Variants in WWOX observed in about 807,000 individuals in gnomAD.
The protein encoded by WWOX is WW domain-containing oxidoreductase.
A neutral mutation model predicts 46.2 loss-of-function variants in WWOX; 69 were observed. The ratio of observed to expected loss-of-function variants is 1.49; its 90% CI spans 1.23 to 1.82. The LOEUF (loss-of-function observed/expected upper bound fraction) is 1.82, where lower values mean the gene tolerates loss of function less well. WWOX is among the 40% of genes most tolerant of loss of function. The probability of loss-of-function intolerance (pLI) is 0.00; values close to 1 mark genes in which losing one functional copy is unlikely to be tolerated. For missense variants in WWOX, 919 were observed against 542.6 expected (o/e 1.69, Z -6.89); for synonymous variants, 359 against 202.6 (o/e 1.77, Z -6.56).
chr16:78,687,135 T>C lies in WWOX; in HGVS notation c.1056+254383T>C, dbSNP rs539206932. Among the ~76,000 whole-genome samples the C allele has an allele frequency of 6.1e-4, 93 of 152,294 alleles. 1 individual carries two copies. The highest frequency in any genetic ancestry group is 5.3e-3 in the Admixed American group (81 of 15,292). On this transcript the variant is annotated intron_variant, in intron 8 of 8. Coordinates refer to ENST00000566780, the MANE Select transcript of WWOX (RefSeq NM_016373.4). The stretch of plus-strand genomic sequence containing the variant: ...TACTGATGACATAAAAGGTTATACA[T>C]TGAATAACCACCCAAATTAGCAGTG...
chr16:79,131,909 G>A (rs1434820228), intron 8 of WWOX, among the ~76,000 whole-genome samples: 1 of 152,160 alleles, frequency 6.6e-6, no homozygotes, highest in Non-Finnish European at 1.5e-5. Context: ...GGCAAAGAGA[G>A]TGAGCTTGTT....
chr16:78,751,856 G>A (rs1398119569), intron 8 of WWOX, among the ~76,000 whole-genome samples: 1 of 151,980 alleles, frequency 6.6e-6, no homozygotes, highest in Non-Finnish European at 1.5e-5. Context: ...GGGAAGGTAA[G>A]AAAGAAATTA....
chr16:79,145,314 G>T (rs1394956242), intron 8 of WWOX, among the ~76,000 whole-genome samples: 2 of 152,112 alleles, frequency 1.3e-5, no homozygotes, highest in African/African-American at 4.8e-5. Flanking sequence ...AGCAATACTT[G>T]TAACTAAAAT....
intron 8 of WWOX, among the ~76,000 whole-genome samples, chr16:78,711,245 C>G (rs1469283922): frequency 6.6e-6 from 1 of 152,154 alleles, no homozygotes; most frequent in East Asian, 1.9e-4. Flanking sequence ...TTGAAATGTT[C>G]AAAGTGATGT....
intron 8 of WWOX, among the ~76,000 whole-genome samples, chr16:78,493,678 A>G (rs756369217): frequency 3.3e-5 from 5 of 152,200 alleles, no homozygotes; most frequent in Non-Finnish European, 7.3e-5. Context: ...TATAATCCAC[A>G]GCACTCCTTC....
intron 8 of WWOX, among the ~76,000 whole-genome samples, chr16:79,152,656 T>A (rs181883922): frequency 6.9e-6 from 1 of 145,022 alleles, no homozygotes; most frequent in African/African-American, 2.6e-5. Flanking sequence ...GGCGACAGAG[T>A]GAGTCTCCAT....
intron 8 of WWOX, among the ~76,000 whole-genome samples, chr16:78,558,100 C>T (rs746773570): frequency 1.3e-5 from 2 of 152,024 alleles, no homozygotes; most frequent in Admixed American, 1.3e-4. Flanking sequence ...CTGAAGGCCC[C>T]GGCTCATTCT....
intron 8 of WWOX, among the ~76,000 whole-genome samples, chr16:79,020,502 A>G (rs1375356590): frequency 6.6e-6 from 1 of 152,206 alleles, no homozygotes; most frequent in Non-Finnish European, 1.5e-5. Flanking sequence ...ATTAAATGCA[A>G]CAGTAATCCA....
intron 5 of WWOX, chr16:78,168,161 G>T (rs946188632): frequency 5.9e-5 from 9 of 152,114 alleles, no homozygotes; most frequent in African/African-American, 1.4e-4. Flanking sequence ...ATGTGCCAAG[G>T]CTCCGTGGGC....
At chr16:78,214,324 T>A (rs1261730691) in intron 5 of WWOX, among the ~76,000 whole-genome samples, 1 of 97,346 alleles carries the variant, frequency 1.0e-5, no homozygotes, top group Admixed American at 1.1e-4. Flanking sequence ...ACTTCAATTA[T>A]CTCATCTGTA....
chr16:78,998,654 A>G (rs1446618141), intron 8 of WWOX, among the ~76,000 whole-genome samples: 11 of 152,220 alleles, frequency 7.2e-5, no homozygotes, highest in Admixed American at 3.3e-4. Context: ...TGATGTGTGT[A>G]GGTAAGCGGC....
chr16:78,170,100 A>T (rs75388525), intron 5 of WWOX, among the ~76,000 whole-genome samples: 1 of 152,058 alleles, frequency 6.6e-6, no homozygotes, highest in Non-Finnish European at 1.5e-5. Context: ...ACCCTCTCAT[A>T]TGGGAGGGGT....
intron 8 of WWOX, among the ~76,000 whole-genome samples, chr16:78,596,877 C>T (rs953567342): frequency 2.6e-5 from 4 of 152,190 alleles, no homozygotes; most frequent in African/African-American, 7.2e-5. Context: ...AGATCACACA[C>T]ACACAATCAG....
chr16:78,256,021 G>A (rs1403550376), intron 5 of WWOX, among the ~76,000 whole-genome samples: 1 of 151,696 alleles, frequency 6.6e-6, no homozygotes, highest in African/African-American at 2.4e-5. Flanking sequence ...ATGGTGGCAT[G>A]TGCCTGTAGT....
chr16:78,498,448 T>C lies in WWOX; in HGVS notation c.1056+65696T>C, dbSNP rs377524322. 2.4e-3 allele frequency among the ~76,000 whole-genome samples: 361 copies of C among 152,182 alleles called. 3 individuals carry two copies. The South Asian group carries it at 0.034, about 14-fold the overall frequency. ...AAGAGCCCCTTTTCTAAACCACACA[T>C]GGCCTGCTCACAAATCTTATGATAA... On this transcript the variant is annotated intron_variant, in intron 8 of 8. Transcript: ENST00000566780.
At chr16:78,435,126 G>C (rs115254685) in intron 8 of WWOX, among the ~76,000 whole-genome samples, 3 of 152,162 alleles carry the variant, frequency 2.0e-5, no homozygotes, top group Admixed American at 6.5e-5. Context: ...TTGGGAGTAC[G>C]TGTGCTCAGG....
intron 7 of WWOX, among the ~76,000 whole-genome samples, chr16:78,429,205 G>A (rs2083159333): frequency 6.6e-6 from 1 of 152,188 alleles, no homozygotes; most frequent in African/African-American, 2.4e-5. Flanking sequence ...GTCTGGTATG[G>A]TGATGACAGA....
At chr16:78,514,106 C>T (rs542826468) in intron 8 of WWOX, among the ~76,000 whole-genome samples, 2 of 152,282 alleles carry the variant, frequency 1.3e-5, no homozygotes, top group South Asian at 4.1e-4. Flanking sequence ...ATAAATACTG[C>T]TCAAGCATTT....
rs115549789 is a variant in WWOX, at chr16:78,571,985, T to C, written c.1056+139233T>C. ...GAAGGATGTGGAGAAATAGGGAATT[T>C]TATGCATTACTGAACTGAAACAGCC... On this transcript the variant is annotated intron_variant, in intron 8 of 8. Coordinates refer to ENST00000566780, the MANE Select transcript of WWOX (RefSeq NM_016373.4). Among the ~76,000 whole-genome samples, 916 of 152,302 alleles carry C rather than the reference T, an allele frequency of 6.0e-3. 16 individuals carry two copies. Among genetic ancestry groups the C allele is most frequent in the African/African-American group, 0.021 (879 of 41,566 alleles).
Sources: gnomAD v4.1 joint callset for allele counts (sites outside exome capture counted in the v4.1 genomes callset) on GRCh38, gnomAD v4.1.1 for gene constraint, MANE v1.5 for transcripts, NCBI Gene and HGNC (gene_info 2026-07-23, HGNC 2026-07-21) for gene names.